Variants in RUFY3 observed in about 807,000 individuals in gnomAD.
RUFY3 encodes RUN and FYVE domain containing 3, also known as protein RUFY3.
RUFY3 carries 34 observed loss-of-function variants against 84.0 expected under a neutral mutation model. The ratio of observed to expected loss-of-function variants is 0.40; its 90% CI spans 0.31 to 0.54. The LOEUF (loss-of-function observed/expected upper bound fraction) is 0.54, where lower values mean the gene tolerates loss of function less well. Ranked by LOEUF, RUFY3 falls within the 20% of genes least tolerant of loss-of-function variation. The pLI is 0.39. For missense variants in RUFY3, 507 were observed against 736.8 expected (o/e 0.69, Z 3.61); for synonymous variants, 242 against 252.9 (o/e 0.96, Z 0.41).
At chr4:70,796,829 A>G (rs951696597) in intron 14 of RUFY3, among the ~76,000 whole-genome samples, 6 of 152,196 alleles carry the variant, frequency 3.9e-5, no homozygotes, top group African/African-American at 1.2e-4. Context: ...TAAAGCATCA[A>G]TAATTTCACA....
intron 10 of RUFY3, among the ~76,000 whole-genome samples, chr4:70,786,789 T>C (rs1371626801): frequency 6.6e-6 from 1 of 152,112 alleles, no homozygotes; most frequent in Non-Finnish European, 1.5e-5. Context: ...ATACTAACTC[T>C]TCCTGGAGTT....
At chr4:70,776,944 G>T (rs1054594765) in intron 7 of RUFY3, among the ~76,000 whole-genome samples, 7 of 152,082 alleles carry the variant, frequency 4.6e-5, no homozygotes, top group African/African-American at 1.7e-4. Context: ...TTTATCTTAG[G>T]AGAAGTAAAA....
chr4:70,764,343 G>T, intron 3 of RUFY3, 132 bp from the exon 4 acceptor site: 1 of 617,868 alleles, frequency 1.6e-6, no homozygotes, highest in East Asian at 2.6e-5. Context: ...TGTACTGGGA[G>T]AGGTCCTGAG....
chr4:70,776,795 CAAAAA>C (rs1295705961), intron 7 of RUFY3, among the ~76,000 whole-genome samples: 1 of 150,108 alleles, frequency 6.7e-6, no homozygotes, highest in African/African-American at 2.5e-5. Flanking sequence ...CAAAACAAAA[CAAAAA>C]TTAGAGAAAG....
intron 12 of RUFY3, chr4:70,791,712 A>G: frequency 9.9e-7 from 1 of 1,005,506 alleles, no homozygotes; most frequent in East Asian, 1.1e-4. Context: ...CTGCCATTGC[A>G]GTGTGATGAA....
rs1308961793 is a variant in RUFY3 at position 70,806,942 on chromosome 4, C to G, written c.*283C>G. On this transcript the variant is annotated 3_prime_UTR_variant, in exon 18 of 18. Coordinates refer to ENST00000381006, the MANE Select transcript of RUFY3 (RefSeq NM_001037442.4). ...TTATAGCATATCTTTGGAAAGGCAA[C>G]TCATTTTTATGATTAGTGATACTGG... 1 of 252,288 alleles carries G rather than the reference C, an allele frequency of 4.0e-6. No individual in the cohort carries two copies. The highest frequency in any genetic ancestry group is 7.5e-6 in the Non-Finnish European group (1 of 132,660). 15.6% of individuals were successfully genotyped at this position (252,288 alleles called of 1,614,324 possible).
chr4:70,800,026 TAAA>T lies in RUFY3; in HGVS notation c.1558-110_1558-108del, dbSNP rs907182916. The T allele has an allele frequency of 3.4e-6, 3 of 870,612 alleles. No homozygotes were observed. In the African/African-American group the frequency reaches 5.3e-5, roughly 15 times the overall value. 53.9% of individuals were successfully genotyped at this position (870,612 alleles called of 1,614,324 possible). A position where few individuals can be genotyped will look rare whatever the true frequency, so the allele number is the denominator to read the frequency against. On this transcript the variant is annotated intron_variant, in intron 14 of 17. Coordinates refer to ENST00000381006, the MANE Select transcript of RUFY3 (RefSeq NM_001037442.4). ...CTTGAAAGTTAGATCCCTTCCCTAA[TAAA>T]AAAAGCTACTTAGCTTTATACCCAA...
chr4:70,715,298 A>G (rs558219591), intron 1 of RUFY3, among the ~76,000 whole-genome samples: 1 of 152,252 alleles, frequency 6.6e-6, no homozygotes, highest in East Asian at 1.9e-4. Flanking sequence ...ATACCCTTTC[A>G]TGGCTGGATG....
chr4:70,745,240 G>A (rs1722013424), intron 1 of RUFY3, among the ~76,000 whole-genome samples: 1 of 152,034 alleles, frequency 6.6e-6, no homozygotes, highest in South Asian at 2.1e-4. Flanking sequence ...CACCGCGCCC[G>A]GCCTGAACTA....
intron 1 of RUFY3, among the ~76,000 whole-genome samples, chr4:70,715,978 A>G (rs1217018610): frequency 6.6e-6 from 1 of 151,878 alleles, no homozygotes; most frequent in African/African-American, 2.4e-5. Context: ...CCAGGCATGA[A>G]TGGCATACAC....
chr4:70,725,594 G>T (rs2148594797), intron 1 of RUFY3, among the ~76,000 whole-genome samples: 1 of 152,232 alleles, frequency 6.6e-6, no homozygotes, highest in South Asian at 2.1e-4. Context: ...ACCTCCCAAA[G>T]TGCTGGGATT....
At chr4:70,763,154 T>G (rs1725311519) in intron 2 of RUFY3, among the ~76,000 whole-genome samples, 1 of 152,184 alleles carries the variant, frequency 6.6e-6, no homozygotes. Context: ...TCTTTTCTTG[T>G]TGTTTTTTGT....
chr4:70,721,228 T>C (rs1004525983), upstream of RUFY3, among the ~76,000 whole-genome samples: 1 of 151,904 alleles, frequency 6.6e-6, no homozygotes, highest in Admixed American at 6.6e-5. Flanking sequence ...AGAGAATTGC[T>C]TGGACCTGGG....
intron 5 of RUFY3, among the ~76,000 whole-genome samples, chr4:70,773,164 T>G (rs1024699829): frequency 6.6e-6 from 1 of 152,200 alleles, no homozygotes; most frequent in Non-Finnish European, 1.5e-5. Flanking sequence ...AGGGGAAATG[T>G]GCTAATTTTT....
chr4:70,746,956 G>A (rs1157872816), intron 1 of RUFY3, among the ~76,000 whole-genome samples: 3 of 152,138 alleles, frequency 2.0e-5, no homozygotes, highest in South Asian at 4.1e-4. Flanking sequence ...GATCCTTGTC[G>A]TGATGGAAAT....
chr4:70,720,134 C>T (rs1443534911), upstream of RUFY3, among the ~76,000 whole-genome samples: 1 of 151,452 alleles, frequency 6.6e-6, no homozygotes. Context: ...TCACTGCAGC[C>T]TCTGCCTCCT....
At position 70,714,842 on chromosome 4, in the gene RUFY3, G is replaced by A. The variant is rs187070341; in HGVS notation, c.358+9548G>A. ...TAAATTTCCCAAGGTCACCTACTAA[G>A]TTTTTGATAGCTTTACGTCTGTGTA... On this transcript the variant is annotated intron_variant, in intron 1 of 11. Transcript: ENST00000417478. Among the ~76,000 whole-genome samples, 29 of 152,316 alleles carry A rather than the reference G, an allele frequency of 1.9e-4. No homozygotes were observed. The East Asian group carries it at 5.4e-3, about 28-fold the overall frequency.
intron 9 of RUFY3, 28 bp downstream of exon 9, chr4:70,783,211 T>C: frequency 7.2e-7 from 1 of 1,389,050 alleles, no homozygotes; most frequent in South Asian, 1.2e-5. Context: ...TATAAAATAT[T>C]CACTGAGAGC....
chr4:70,711,191 T>G (rs1740962137), intron 1 of RUFY3, among the ~76,000 whole-genome samples: 1 of 151,196 alleles, frequency 6.6e-6, no homozygotes, highest in South Asian at 2.1e-4. Flanking sequence ...ACTCCTGGGC[T>G]CAGGTGATCC....
Sources: allele counts gnomAD v4.1 joint callset (sites outside exome capture counted in the v4.1 genomes callset), GRCh38; gene constraint gnomAD v4.1.1; transcripts MANE v1.5; gene names NCBI Gene and HGNC (gene_info 2026-07-23, HGNC 2026-07-21).